CFAP299: variants seen among roughly 807,000 people sequenced by gnomAD.
CFAP299 encodes cilia- and flagella-associated protein 299.
In CFAP299, 21 loss-of-function variants were observed where a neutral mutation model predicts 27.0. That is an observed-to-expected ratio of 0.78 (90% confidence interval 0.55 to 1.12). The LOEUF (loss-of-function observed/expected upper bound fraction) is 1.12. Among genes scored for constraint, CFAP299 ranks in the 50% most tolerant of loss-of-function variants. The probability of loss-of-function intolerance (pLI) is 0.00; values close to 1 mark genes in which losing one functional copy is unlikely to be tolerated. For synonymous variants in CFAP299, 104 were observed against 98.1 expected (o/e 1.06, Z -0.36); for missense variants, 310 against 276.6 (o/e 1.12, Z -0.86).
chr4:80,639,092 A>G (rs934838581), intron 3 of CFAP299, among the ~76,000 whole-genome samples: 1 of 151,862 alleles, frequency 6.6e-6, no homozygotes. Flanking sequence ...AAACCTAATT[A>G]CCTCCCAAAG....
chr4:80,552,795 C>T (rs1283968640), intron 2 of CFAP299, among the ~76,000 whole-genome samples: 1 of 152,010 alleles, frequency 6.6e-6, no homozygotes, highest in Non-Finnish European at 1.5e-5. Flanking sequence ...TCAAGCAGTC[C>T]TTCCACCTCA....
chr4:80,948,486 TG>T (rs1737589087), intron 5 of CFAP299, among the ~76,000 whole-genome samples: 1 of 152,140 alleles, frequency 6.6e-6, no homozygotes, highest in Admixed American at 6.6e-5. Context: ...AAGAATTAAA[TG>T]GAAGCACTTT....
intron 3 of CFAP299, among the ~76,000 whole-genome samples, chr4:80,726,588 T>C (rs566660270): frequency 4.1e-4 from 62 of 152,036 alleles, no homozygotes; most frequent in Middle Eastern, 3.4e-3. Context: ...AACTTTTTTT[T>C]CCGTACTTCA....
rs1367257720 is a variant in CFAP299 at position 80,843,754 on chromosome 4, T to A, written c.334-26239T>A. On this transcript the variant is annotated intron_variant, in intron 3 of 5. Transcript: ENST00000358105. The stretch of plus-strand genomic sequence containing the variant: ...TCTTCAGCACCTGTTGTTTCCTGAT[T>A]TTTTTTTAATTTTATTATTATTATA... 5.3e-5 allele frequency among the ~76,000 whole-genome samples: 8 copies of A among 151,788 alleles called. No individual in the cohort carries two copies. The East Asian group carries it at 1.5e-3, about 29-fold the overall frequency.
At chr4:80,558,358 G>GTTTTTTTTTTTTTTTTT (rs1174909337) in intron 2 of CFAP299, among the ~76,000 whole-genome samples, 1 of 121,680 alleles carries the variant, frequency 8.2e-6, no homozygotes, top group African/African-American at 3.3e-5. Context: ...TTGTTTGTTT[G>GTTTTTTTTTTTTTTTTT]TTTGTTTGTT....
intron 3 of CFAP299, among the ~76,000 whole-genome samples, chr4:80,850,086 A>C (rs941461855): frequency 3.9e-5 from 6 of 152,154 alleles, no homozygotes; most frequent in African/African-American, 1.2e-4. Context: ...AGTCTGAAGA[A>C]AGAAAATTTA....
chr4:80,761,989 A>G (rs549161903), intron 3 of CFAP299, among the ~76,000 whole-genome samples: 2 of 152,182 alleles, frequency 1.3e-5, no homozygotes, highest in South Asian at 4.1e-4. Context: ...AACAGATTTC[A>G]GTGTTTAAGT....
At chr4:80,889,898 G>A (rs1734173195) in intron 4 of CFAP299, among the ~76,000 whole-genome samples, 1 of 152,036 alleles carries the variant, frequency 6.6e-6, no homozygotes. Context: ...AATTGATGCT[G>A]AGAAAGCATT....
intron 3 of CFAP299, among the ~76,000 whole-genome samples, chr4:80,862,262 C>T (rs536041799): frequency 7.9e-5 from 12 of 152,048 alleles, no homozygotes; most frequent in African/African-American, 1.4e-4. Flanking sequence ...CCCAGCTACT[C>T]GGTAGGCTGA....
At chr4:80,744,978 C>G (rs1724500135) in intron 3 of CFAP299, among the ~76,000 whole-genome samples, 1 of 152,048 alleles carries the variant, frequency 6.6e-6, no homozygotes, top group Non-Finnish European at 1.5e-5. Flanking sequence ...TGCCTTAGCC[C>G]ATGTTGCAGT....
intron 2 of CFAP299, among the ~76,000 whole-genome samples, chr4:80,417,875 G>A (rs967798880): frequency 6.6e-6 from 1 of 152,110 alleles, no homozygotes; most frequent in South Asian, 2.1e-4. Flanking sequence ...CTTCCACCAT[G>A]TGAAGACACA....
intron 3 of CFAP299, among the ~76,000 whole-genome samples, chr4:80,629,622 G>C (rs1739101233): frequency 6.6e-6 from 1 of 152,090 alleles, no homozygotes; most frequent in African/African-American, 2.4e-5. Flanking sequence ...GCTCACACCT[G>C]TAACCCCAAC....
chr4:80,688,169 G>A lies in CFAP299; in HGVS notation c.333+104986G>A, dbSNP rs187891011. 5.9e-5 allele frequency among the ~76,000 whole-genome samples: 9 copies of A among 152,224 alleles called. 1 individual carries two copies. Among genetic ancestry groups the A allele is most frequent in the Admixed American group, 5.9e-4 (9 of 15,290 alleles). ...GGTAAACAAAGCAGCCGGGAAGCTCGAACAGAGTGGAACCCACCACAGCTC... is the reference window on the plus strand; with the variant it reads ...GGTAAACAAAGCAGCCGGGAAGCTCAAACAGAGTGGAACCCACCACAGCTC... On this transcript the variant is annotated intron_variant, in intron 3 of 5. Transcript: ENST00000358105.
chr4:80,852,106 T>G (rs1731559620), intron 3 of CFAP299, among the ~76,000 whole-genome samples: 1 of 152,200 alleles, frequency 6.6e-6, no homozygotes, highest in Non-Finnish European at 1.5e-5. Flanking sequence ...GTATTGTACC[T>G]TTATACCTCC....
At chr4:80,335,917 G>C (rs768775796) in intron 1 of CFAP299, 38 bp downstream of exon 1, 16 of 1,247,736 alleles carry the variant, frequency 1.3e-5, no homozygotes, top group Middle Eastern at 2.1e-4. Flanking sequence ...GCCGCCGCGC[G>C]TCCCTCGGTC....
At chr4:80,343,538 C>T (rs1475535639) in intron 1 of CFAP299, among the ~76,000 whole-genome samples, 2 of 152,106 alleles carry the variant, frequency 1.3e-5, no homozygotes, top group African/African-American at 4.8e-5. Context: ...GCCTGTAATC[C>T]CAGCACTTTG....
chr4:80,576,197 AAT>A (rs1553935643), intron 2 of CFAP299, among the ~76,000 whole-genome samples: 45 of 32,458 alleles, frequency 1.4e-3, no homozygotes, highest in East Asian at 3.6e-3. Context: ...TAAAAAAAAA[AAT>A]ATATATATAT....
At chr4:80,779,921 T>C (rs545601683) in intron 3 of CFAP299, among the ~76,000 whole-genome samples, 145 of 152,212 alleles carry the variant, frequency 9.5e-4, no homozygotes, top group African/African-American at 3.3e-3. Flanking sequence ...CGGAATCTCA[T>C]TGACTCAAAG....
chr4:80,868,905 C>CTCTGTGTGTGTGTG (rs1435285713), intron 3 of CFAP299, among the ~76,000 whole-genome samples: 25 of 137,572 alleles, frequency 1.8e-4, no homozygotes, highest in African/African-American at 6.6e-4. Context: ...GCTTCTCTCT[C>CTCTGTGTGTGTGTG]TGTGTGTGTG....
Sources: gnomAD v4.1 joint callset for allele counts (sites outside exome capture counted in the v4.1 genomes callset) on GRCh38, gnomAD v4.1.1 for gene constraint, MANE v1.5 for transcripts, NCBI Gene and HGNC (gene_info 2026-07-23, HGNC 2026-07-21) for gene names.